ROR2: variants seen among roughly 807,000 people sequenced by gnomAD.
ROR2 encodes ROR family WNT receptor 2.
In ROR2, 33 loss-of-function variants were observed where a neutral mutation model predicts 74.9. That is an observed-to-expected ratio of 0.44 (90% CI 0.33 to 0.59). ROR2 has a LOEUF of 0.59. Ranked by LOEUF, ROR2 falls within the 20% of genes least tolerant of loss-of-function variation. The pLI is 0.02. For synonymous variants in ROR2, 586 were observed against 558.7 expected, an observed-to-expected ratio of 1.05 and a Z score of -0.69; for missense variants, 1,216 against 1,313.8, an observed-to-expected ratio of 0.93 and a Z score of 1.15.
chr9:91,895,493 T>A (rs1431614398), intron 1 of ROR2, among the ~76,000 whole-genome samples: 1 of 152,216 alleles, frequency 6.6e-6, no homozygotes, highest in South Asian at 2.1e-4. Context: ...ACAGGGAATA[T>A]GGGAATTCTC....
chr9:91,850,780 T>C (rs528247535), intron 1 of ROR2, among the ~76,000 whole-genome samples: 2 of 152,348 alleles, frequency 1.3e-5, no homozygotes, highest in Non-Finnish European at 1.5e-5. Context: ...TTTTTGAGAA[T>C]CCCTTTAAAA....
At chr9:91,819,824 T>C (rs1460729951) in intron 1 of ROR2, among the ~76,000 whole-genome samples, 4 of 152,168 alleles carry the variant, frequency 2.6e-5, no homozygotes, top group Admixed American at 6.5e-5. Flanking sequence ...TTTGTCTGTC[T>C]TTGAATGTCA....
At position 91,937,736 on chromosome 9, in the gene ROR2, A is replaced by T. The variant is rs867568801; in HGVS notation, c.97+12131T>A. Among the ~76,000 whole-genome samples the T allele has an allele frequency of 6.6e-5, 10 of 152,276 alleles. 1 individual carries two copies. The Middle Eastern group carries it at 0.02, about 311-fold the overall frequency. On this transcript the variant is annotated intron_variant, in intron 1 of 8. Coordinates refer to ENST00000375708, the MANE Select transcript of ROR2 (RefSeq NM_004560.4). ...CCCTGAGTCTTTTTATCTTCTTTTGAGACTGAGTTTTGCTCTGTCACCCAG... is the reference window on the plus strand; with the variant it reads ...CCCTGAGTCTTTTTATCTTCTTTTGTGACTGAGTTTTGCTCTGTCACCCAG...
At chr9:91,871,341 GC>G (rs1486268188) in intron 1 of ROR2, among the ~76,000 whole-genome samples, 1 of 152,060 alleles carries the variant, frequency 6.6e-6, no homozygotes. Context: ...CCCTCATCTT[GC>G]CATGGATTGG....
chr9:91,862,537 C>G (rs1829500360), intron 1 of ROR2, among the ~76,000 whole-genome samples: 1 of 152,076 alleles, frequency 6.6e-6, no homozygotes, highest in Non-Finnish European at 1.5e-5. Context: ...TGGCACATGC[C>G]AGTAGTCCCA....
chr9:91,944,704 G>A lies in ROR2; in HGVS notation c.97+5163C>T, dbSNP rs111593192. 2.9e-3 allele frequency among the ~76,000 whole-genome samples: 442 copies of A among 151,890 alleles called. 2 individuals carry two copies. Among genetic ancestry groups the A allele is most frequent in the African/African-American group, 9.9e-3 (412 of 41,414 alleles). On this transcript the variant is annotated intron_variant, in intron 1 of 8. Transcript: ENST00000375708. Reference sequence around the variant, plus strand: ...TAAAAACTAAAAAACATTGCTGAAAGAAATGAAAGGTCTAAATAAATGTTA... The same window carrying A: ...TAAAAACTAAAAAACATTGCTGAAAAAAATGAAAGGTCTAAATAAATGTTA...
intron 1 of ROR2, among the ~76,000 whole-genome samples, chr9:91,856,916 C>T (rs1829309909): frequency 6.6e-6 from 1 of 152,188 alleles, no homozygotes; most frequent in African/African-American, 2.4e-5. Flanking sequence ...CCACAATGGA[C>T]GAGGAACAAA....
At chr9:91,846,129 T>C (rs1056212420) in intron 1 of ROR2, among the ~76,000 whole-genome samples, 4 of 152,164 alleles carry the variant, frequency 2.6e-5, no homozygotes, top group Admixed American at 2.6e-4. Context: ...CTGTTCTCTC[T>C]CTGGACGACC....
intron 1 of ROR2, among the ~76,000 whole-genome samples, chr9:91,803,072 C>A (rs1827443641): frequency 6.6e-6 from 1 of 152,072 alleles, no homozygotes; most frequent in African/African-American, 2.4e-5. Context: ...AAACTGGAAC[C>A]CTGTGCACTG....
intron 1 of ROR2, among the ~76,000 whole-genome samples, chr9:91,853,862 A>G (rs1223007606): frequency 6.6e-6 from 1 of 152,206 alleles, no homozygotes; most frequent in African/African-American, 2.4e-5. Context: ...TCTAAAAGGA[A>G]GCAGCAAGCT....
At chr9:91,938,274 C>T (rs1232795506) in intron 1 of ROR2, among the ~76,000 whole-genome samples, 3 of 152,128 alleles carry the variant, frequency 2.0e-5, no homozygotes, top group African/African-American at 7.2e-5. Context: ...GTCTGAACAA[C>T]ATAGTGAGAC....
At chr9:91,806,345 G>C (rs1441946072) in intron 1 of ROR2, among the ~76,000 whole-genome samples, 1 of 152,180 alleles carries the variant, frequency 6.6e-6, no homozygotes, top group African/African-American at 2.4e-5. Flanking sequence ...GAAGGAGAAA[G>C]GGGTCTCTCT....
At chr9:91,730,847 C>G (rs555870993) in intron 7 of ROR2, 63 bp downstream of exon 7, 9 of 1,607,586 alleles carry the variant, frequency 5.6e-6, no homozygotes, top group Non-Finnish European at 7.6e-6. Context: ...CAGGACAGAA[C>G]GCCCTCATCA....
chr9:91,879,464 G>C (rs1332449675), intron 1 of ROR2, among the ~76,000 whole-genome samples: 2 of 151,790 alleles, frequency 1.3e-5, no homozygotes, highest in Non-Finnish European at 1.5e-5. Context: ...GTGGACACAT[G>C]AAACAAAATT....
intron 1 of ROR2, among the ~76,000 whole-genome samples, chr9:91,897,116 G>T (rs1217293061): frequency 6.6e-6 from 1 of 152,250 alleles, no homozygotes; most frequent in Non-Finnish European, 1.5e-5. Flanking sequence ...AAGCACGGGT[G>T]GGTTGTGGAG....
Position 91,905,387 on chromosome 9 carries a change from CACACACAGAGAGACAAAAACTAT to C in ROR2, c.97+44457_97+44479del, listed in dbSNP as rs1830788908. ...CACACAAGACACACAACACATACCA[CACACACAGAGAGACAAAAACTAT>C]ACAAATGTCACATCACACAAAGATG... is the stretch of plus-strand genomic sequence containing the variant. On this transcript the variant is annotated intron_variant, in intron 1 of 8. Coordinates refer to ENST00000375708, the MANE Select transcript of ROR2 (RefSeq NM_004560.4). The surrounding 1 kb of genome is among the most constrained non-coding windows in gnomAD (Gnocchi z 5.3). Among the ~76,000 whole-genome samples, 1 of 151,764 alleles carries C rather than the reference CACACACAGAGAGACAAAAACTAT, an allele frequency of 6.6e-6. No homozygotes were observed. The highest frequency in any genetic ancestry group is 1.5e-5 in the Non-Finnish European group (1 of 67,928).
chr9:91,848,508 C>T (rs1828992812), intron 1 of ROR2, among the ~76,000 whole-genome samples: 2 of 152,150 alleles, frequency 1.3e-5, no homozygotes, highest in Admixed American at 1.3e-4. Context: ...TGCCTGTAAT[C>T]CCAGAACTTT....
intron 2 of ROR2, among the ~76,000 whole-genome samples, chr9:91,767,529 G>C (rs536049250): frequency 2.7e-4 from 41 of 152,348 alleles, no homozygotes; most frequent in South Asian, 1.2e-3. Flanking sequence ...ATGGCGCTTT[G>C]ATTAGCGGGA....
At position 91,851,869 on chromosome 9, in the gene ROR2, G is replaced by A. The variant is rs371242328; in HGVS notation, c.98-76051C>T. Among the ~76,000 whole-genome samples the A allele has an allele frequency of 4.0e-5, 6 of 151,880 alleles. No homozygotes were observed. In the East Asian group the frequency reaches 9.7e-4, roughly 24 times the overall value. The stretch of plus-strand genomic sequence containing the variant: ...TGCGCGCCTGTAATCACAGCTACTC[G>A]GGAGGCTGAGACAGGAGAATCGCGT... On this transcript the variant is annotated intron_variant, in intron 1 of 8. Coordinates refer to ENST00000375708, the MANE Select transcript of ROR2 (RefSeq NM_004560.4).
Sources: gnomAD v4.1 joint callset for allele counts (sites outside exome capture counted in the v4.1 genomes callset) on GRCh38, gnomAD v4.1.1 for gene constraint, Gnocchi (gnomAD v3.1) non-coding constraint, MANE v1.5 for transcripts, NCBI Gene and HGNC (gene_info 2026-07-23, HGNC 2026-07-21) for gene names.